The following SLC29A2 variants were observed in gnomAD, a reference collection of about 807,000 sequenced individuals.
SLC29A2 encodes solute carrier family 29 member 2, also known as equilibrative nucleoside transporter 2.
SLC29A2 carries 37 observed loss-of-function variants against 48.8 expected under a neutral mutation model. The ratio of observed to expected loss-of-function variants is 0.76; its 90% CI spans 0.58 to 1.00. SLC29A2 has a LOEUF of 1.00. Among genes scored for constraint, SLC29A2 ranks in the 50% least tolerant of loss-of-function variants. SLC29A2 has a pLI of 0.00. For synonymous variants in SLC29A2, 233 were observed against 261.7 expected (o/e 0.89, Z 1.06); for missense variants, 533 against 578.6 (o/e 0.92, Z 0.81).
Position 66,369,362 on chromosome 11 carries a change from C to G in SLC29A2, c.275+7G>C. ...AGAGGGCGCAGGAGCCAGGGCAGGC[C>G]TCTCACCACTGGTACAGGAAGGAGT... On this transcript the variant is annotated splice_region_variant and intron_variant, in intron 3 of 11. Coordinates refer to ENST00000357440, the MANE Select transcript of SLC29A2 (RefSeq NM_001532.3). 1 of 1,613,864 alleles carries G rather than the reference C, an allele frequency of 6.2e-7. No individual in the cohort carries two copies. The highest frequency in any genetic ancestry group is 8.5e-7 in the Non-Finnish European group (1 of 1,179,888).
chr11:66,369,617 G>A (rs990689615), intron 2 of SLC29A2, 85 bp from the exon 3 acceptor site: 14 of 1,487,800 alleles, frequency 9.4e-6, no homozygotes, highest in Non-Finnish European at 1.2e-5. Context: ...GCTTTCTAAT[G>A]TCTGTGGGGA....
At chr11:66,371,222 G>T (rs1431855051) in intron 2 of SLC29A2, 22 bp downstream of exon 2, 2 of 1,609,546 alleles carry the variant, frequency 1.2e-6, no homozygotes, top group Non-Finnish European at 1.7e-6. Flanking sequence ...CCACGAGGCT[G>T]CCACGCCGCC....
At position 66,366,928 on chromosome 11, in the gene SLC29A2, G is replaced by C. The variant is rs568527171; in HGVS notation, c.734-364C>G. ...ACTGCAGTGCAGCCTAGGTGACAGA[G>C]TGAGATCCTGACTCAAAATAACAAC... On this transcript the variant is annotated intron_variant, in intron 7 of 11. Transcript: ENST00000357440. Among the ~76,000 whole-genome samples the C allele has an allele frequency of 9.2e-5, 14 of 152,280 alleles. No homozygotes were observed. In the East Asian group the frequency reaches 2.7e-3, roughly 29 times the overall value.
chr11:66,371,610 G>T lies in SLC29A2; in HGVS notation c.-19C>A, dbSNP rs757528954. The T allele has an allele frequency of 5.2e-6, 8 of 1,546,148 alleles. No individual in the cohort carries two copies. The highest frequency in any genetic ancestry group is 2.4e-5 in the South Asian group (2 of 84,366). The stretch of plus-strand genomic sequence containing the variant: ...GCGCCATGGCCGCCGCGGCGGATGC[G>T]CCTGGGGTGAAAGGGGCAGAGAAGC... On this transcript the variant is annotated 5_prime_UTR_variant, in exon 1 of 12. Transcript: ENST00000357440.
chr11:66,371,151 C>T (rs1385936235), intron 2 of SLC29A2, 93 bp downstream of exon 2: 2 of 1,111,488 alleles, frequency 1.8e-6, no homozygotes, highest in South Asian at 2.5e-5. Context: ...CACAGGTGCG[C>T]GGTGAGGAAG....
intron 10 of SLC29A2, among the ~76,000 whole-genome samples, chr11:66,365,118 G>T (rs1248847709): frequency 6.6e-6 from 1 of 151,720 alleles, no homozygotes; most frequent in Non-Finnish European, 1.5e-5. Flanking sequence ...TGTTGGCCAG[G>T]CTGGTCTCGA....
At chr11:66,363,658 C>G (rs778995539) in intron 11 of SLC29A2, 111 bp from the exon 12 acceptor site, 171 of 784,846 alleles carry the variant, frequency 2.2e-4, no homozygotes, top group Non-Finnish European at 3.4e-4. Flanking sequence ...CCTCTGTCAC[C>G]ATAACTGGCC....
At chr11:66,364,101 A>C in intron 11 of SLC29A2, 124 bp downstream of exon 11, 1 of 825,542 alleles carries the variant, frequency 1.2e-6, no homozygotes, top group Non-Finnish European at 2.0e-6. Context: ...CAAGGCCTGC[A>C]GACAGCTAGG....
chr11:66,364,618 C>T (rs1331551579), intron 10 of SLC29A2, 194 bp from the exon 11 acceptor site: 3 of 560,684 alleles, frequency 5.4e-6, no homozygotes, highest in Non-Finnish European at 9.5e-6. Context: ...AATCCTCCTG[C>T]TTCAGCCTCC....
At chr11:66,365,009 C>T (rs1402934808) in intron 10 of SLC29A2, among the ~76,000 whole-genome samples, 1 of 151,920 alleles carries the variant, frequency 6.6e-6, no homozygotes, top group African/African-American at 2.4e-5. Flanking sequence ...AGCAGTGGTG[C>T]GATCTCGGCT....
Position 66,371,595 on chromosome 11 carries a change from C to A in SLC29A2, c.-4G>T. On this transcript the variant is annotated 5_prime_UTR_variant, in exon 1 of 12. Coordinates refer to ENST00000357440, the MANE Select transcript of SLC29A2 (RefSeq NM_001532.3). ...GCGGGGCGTCTCCTCGCGCCATGGC[C>A]GCCGCGGCGGATGCGCCTGGGGTGA... The A allele has an allele frequency of 6.5e-7, 1 of 1,549,002 alleles. No individual in the cohort carries two copies.
intron 10 of SLC29A2, chr11:66,364,709 G>A (rs1322345064): frequency 3.2e-6 from 1 of 315,932 alleles, no homozygotes; most frequent in Non-Finnish European, 6.0e-6. Context: ...GTTTCATCAT[G>A]TTGGCCAGGC....
upstream of SLC29A2, chr11:66,371,822 G>A: frequency 1.8e-6 from 1 of 562,738 alleles, no homozygotes; most frequent in East Asian, 3.1e-5. Context: ...CGCGCCACCC[G>A]TCTCTCCTTC....
At chr11:66,371,192 G>T in intron 2 of SLC29A2, 52 bp downstream of exon 2, 1 of 1,521,750 alleles carries the variant, frequency 6.6e-7, no homozygotes, top group Non-Finnish European at 9.1e-7. Context: ...AAGGGCTGGA[G>T]GGAGGGGTGC....
In SLC29A2 at chr11:66,371,134, G is replaced by A. The variant is rs996639803; in HGVS notation, c.111+110C>T. On this transcript the variant is annotated intron_variant, in intron 2 of 11. Transcript: ENST00000357440. ...AGCTTCAGCCCATAATGAGCTCAAC[G>A]AGGGGTCACAGGTGCGCGGTGAGGA... The A allele has an allele frequency of 2.6e-5, 24 of 921,238 alleles. No homozygotes were observed. The South Asian group carries it at 3.0e-4, about 11-fold the overall frequency. The allele number at this position is 921,238 out of a possible 1,614,324, so 57.1% of individuals were successfully genotyped here. A position where few individuals can be genotyped will look rare whatever the true frequency, so the allele number is the denominator to read the frequency against.
rs1241739516 is a variant in SLC29A2 at position 66,363,567 on chromosome 11, G to T, written c.1260-20C>A. 4 of 1,582,164 alleles carry T rather than the reference G, an allele frequency of 2.5e-6. No homozygotes were observed. Among genetic ancestry groups the T allele is most frequent in the Non-Finnish European group, 3.5e-6 (4 of 1,156,848 alleles). On this transcript the variant is annotated intron_variant, in intron 11 of 11. Coordinates refer to ENST00000357440, the MANE Select transcript of SLC29A2 (RefSeq NM_001532.3). ...ACCTGCCTAGAACACCCGGGAACAG[G>T]AGCTCTTAGAAAATGCTGGGTCTAA...
chr11:66,367,463 C>A lies in SLC29A2; in HGVS notation c.733+1G>T. On this transcript the variant is annotated splice_donor_variant, in intron 7 of 11. Transcript: ENST00000357440. LOFTEE classifies it high-confidence loss of function. ...CTCCCCAGGAGGGTCTCAGGGCTTA[C>A]CAGACTGGAGGAGCTCAGCTTTGGT... 1 of 1,613,890 alleles carries A rather than the reference C, an allele frequency of 6.2e-7. No individual in the cohort carries two copies. The highest frequency in any genetic ancestry group is 8.5e-7 in the Non-Finnish European group (1 of 1,179,782).
chr11:66,372,220 G>T (rs2135021253), upstream of SLC29A2: 1 of 152,384 alleles, frequency 6.6e-6, no homozygotes, highest in Non-Finnish European at 1.5e-5. Flanking sequence ...GCCACAGGTC[G>T]CCCGCGATCC....
At chr11:66,371,930 C>T (rs1029432916), upstream of SLC29A2, 2 of 401,258 alleles carry the variant, frequency 5.0e-6, no homozygotes, top group African/African-American at 2.1e-5. Flanking sequence ...CCCCGCAGCC[C>T]CCCGTCCTCT....
Sources: gnomAD v4.1 joint callset for allele counts (sites outside exome capture counted in the v4.1 genomes callset) on GRCh38, gnomAD v4.1.1 for gene constraint, MANE v1.5 for transcripts, NCBI Gene and HGNC (gene_info 2026-07-23, HGNC 2026-07-21) for gene names.